RGS7: variants seen among roughly 807,000 people sequenced by gnomAD.
RGS7 encodes the protein regulator of G-protein signaling 7.
A neutral mutation model predicts 81.1 loss-of-function variants in RGS7; 27 were observed. That is an observed-to-expected ratio of 0.33 (90% confidence interval 0.25 to 0.46). RGS7 has a LOEUF of 0.46. RGS7 is among the 20% of genes least tolerant of loss of function. The pLI, the probability that RGS7 is intolerant of heterozygous loss-of-function variation, is 1.00. For missense variants in RGS7, 396 were observed against 607.4 expected (o/e 0.65, Z 3.66); for synonymous variants, 208 against 207.7 (o/e 1.00, Z -0.01).
At chr1:240,996,018 GT>G (rs527572328) in intron 3 of RGS7, among the ~76,000 whole-genome samples, 14,060 of 149,700 alleles carry the variant, frequency 0.094, 686 homozygotes, top group Middle Eastern at 0.19. Context: ...TATTTTTATT[GT>G]TTTTTTTTTA....
chr1:241,292,199 C>G (rs774704399), intron 2 of RGS7, among the ~76,000 whole-genome samples: 4 of 152,146 alleles, frequency 2.6e-5, no homozygotes, highest in Non-Finnish European at 5.9e-5. Flanking sequence ...TGTTTTATAA[C>G]TAACTTATTA....
Position 240,813,601 on chromosome 1 carries a change from G to C in RGS7, c.956+17C>G, listed in dbSNP as rs1213449398. 1 of 1,483,410 alleles carries C rather than the reference G, an allele frequency of 6.7e-7. No individual in the cohort carries two copies. Among genetic ancestry groups the C allele is most frequent in the Non-Finnish European group, 9.4e-7 (1 of 1,061,256 alleles). 91.9% of individuals were successfully genotyped at this position (1,483,410 alleles called of 1,614,324 possible). The stretch of plus-strand genomic sequence containing the variant: ...AATAAAGCAACATATGGGCGAGAAA[G>C]ATAAAATGCCACCTACCTTGCCTCA... On this transcript the variant is annotated intron_variant, in intron 13 of 18. Coordinates refer to ENST00000440928, the MANE Select transcript of RGS7 (RefSeq NM_001364886.1).
At chr1:240,918,819 G>A (rs900707100) in intron 6 of RGS7, among the ~76,000 whole-genome samples, 2 of 151,380 alleles carry the variant, frequency 1.3e-5, no homozygotes, top group African/African-American at 4.9e-5. Flanking sequence ...AATTAATATT[G>A]ATGAGCCTCT....
intron 6 of RGS7, among the ~76,000 whole-genome samples, chr1:240,904,260 A>ATT (rs1670471654): frequency 6.6e-6 from 1 of 152,206 alleles, no homozygotes; most frequent in South Asian, 2.1e-4. Context: ...AAAGTGAGTA[A>ATT]TATAATACCT....
intron 2 of RGS7, among the ~76,000 whole-genome samples, chr1:241,222,052 A>G (rs2075049408): frequency 6.6e-6 from 1 of 152,238 alleles, no homozygotes; most frequent in African/African-American, 2.4e-5. Context: ...AAGAATGAAG[A>G]AAGAATTTGG....
chr1:241,136,411 C>T (rs147433375), intron 2 of RGS7, among the ~76,000 whole-genome samples: 5 of 152,206 alleles, frequency 3.3e-5, no homozygotes, highest in African/African-American at 1.2e-4. Flanking sequence ...CATTGGATGG[C>T]ACCTTGTGAA....
intron 2 of RGS7, among the ~76,000 whole-genome samples, chr1:241,324,678 A>G (rs998459175): frequency 6.6e-6 from 1 of 152,138 alleles, no homozygotes; most frequent in African/African-American, 2.4e-5. Context: ...CAGTTCCTCA[A>G]TTCATCCCCT....
intron 3 of RGS7, among the ~76,000 whole-genome samples, chr1:241,087,997 CACACACACACATATATATAT>C (rs1558698024): frequency 3.2e-5 from 3 of 94,814 alleles, no homozygotes; most frequent in African/African-American, 5.8e-5. Context: ...TATATATATA[CACACACACACATATATATAT>C]ACACACACAC....
chr1:241,300,742 G>A (rs1187961583), intron 2 of RGS7, among the ~76,000 whole-genome samples: 1 of 152,200 alleles, frequency 6.6e-6, no homozygotes, highest in African/African-American at 2.4e-5. Context: ...AGGTTTTTGT[G>A]TGGACATGTT....
chr1:241,244,101 T>C (rs1234281682), intron 2 of RGS7, among the ~76,000 whole-genome samples: 1 of 152,154 alleles, frequency 6.6e-6, no homozygotes, highest in Admixed American at 6.5e-5. Context: ...AGGTACATAT[T>C]ATTATTTTCT....
chr1:241,140,561 G>C (rs116569953), intron 2 of RGS7, among the ~76,000 whole-genome samples: 1,582 of 152,164 alleles, frequency 0.01, 26 homozygotes, highest in African/African-American at 0.036. Flanking sequence ...GTGCCACCAT[G>C]CTTGGCTAAT....
At chr1:241,241,750 G>A (rs2076268777) in intron 2 of RGS7, among the ~76,000 whole-genome samples, 1 of 152,104 alleles carries the variant, frequency 6.6e-6, no homozygotes, top group South Asian at 2.1e-4. Context: ...ACATGTGTCT[G>A]TGCACATTAA....
intron 3 of RGS7, among the ~76,000 whole-genome samples, chr1:241,028,547 CAGGG>C (rs1312465956): frequency 1.4e-4 from 21 of 152,016 alleles, no homozygotes; most frequent in Admixed American, 1.4e-3. Context: ...GCCGGTGAAA[CAGGG>C]AGGAGGAGAG....
intron 11 of RGS7, among the ~76,000 whole-genome samples, chr1:240,815,502 AT>A (rs1361355811): frequency 6.6e-6 from 1 of 152,204 alleles, no homozygotes; most frequent in Non-Finnish European, 1.5e-5. Flanking sequence ...TATCAATGAT[AT>A]GTGTTTTGAG....
intron 2 of RGS7, among the ~76,000 whole-genome samples, chr1:241,188,951 T>C (rs1163177595): frequency 1.3e-5 from 2 of 152,190 alleles, no homozygotes; most frequent in Admixed American, 1.3e-4. Flanking sequence ...TTCCTCTACA[T>C]TCTCACCAAC....
At chr1:240,794,937 C>T (rs112192342) in intron 18 of RGS7, among the ~76,000 whole-genome samples, 1 of 151,982 alleles carries the variant, frequency 6.6e-6, no homozygotes, top group Non-Finnish European at 1.5e-5. Context: ...AATCCCAGCA[C>T]TTTGGGAGGC....
chr1:240,796,561 C>CT (rs1475661862), intron 18 of RGS7, among the ~76,000 whole-genome samples: 2 of 152,148 alleles, frequency 1.3e-5, no homozygotes, highest in Non-Finnish European at 2.9e-5. Context: ...TGGCGGGTGC[C>CT]TGTAGTCCCA....
intron 2 of RGS7, among the ~76,000 whole-genome samples, chr1:241,206,960 G>GTTTTTT (rs67087891): frequency 2.8e-5 from 2 of 70,706 alleles, no homozygotes; most frequent in African/African-American, 5.8e-5. Flanking sequence ...TCTCTCTCTG[G>GTTTTTT]TTTTTTTTTT....
At chr1:241,313,231 T>C (rs569689664) in intron 2 of RGS7, among the ~76,000 whole-genome samples, 1 of 152,388 alleles carries the variant, frequency 6.6e-6, no homozygotes, top group South Asian at 2.1e-4. Context: ...AGAGAATTGA[T>C]GAAGGTAGTT....
Sources: allele counts gnomAD v4.1 joint callset (sites outside exome capture counted in the v4.1 genomes callset), GRCh38; gene constraint gnomAD v4.1.1; transcripts MANE v1.5; gene names NCBI Gene and HGNC (gene_info 2026-07-23, HGNC 2026-07-21).